WLS: variants seen among roughly 807,000 people sequenced by gnomAD.
WLS encodes protein wntless homolog.
In WLS, 23 loss-of-function variants were observed where a neutral mutation model predicts 62.8. The ratio of observed to expected loss-of-function variants is 0.37; its 90% CI spans 0.26 to 0.52. WLS has a LOEUF of 0.52. Ranked by LOEUF, WLS falls within the 20% of genes least tolerant of loss-of-function variation. The pLI, the probability that WLS is intolerant of heterozygous loss-of-function variation, is 0.92. For missense variants in WLS, 615 were observed against 697.3 expected (o/e 0.88, Z 1.33); for synonymous variants, 246 against 244.1 (o/e 1.01, Z -0.07).
intron 1 of WLS, among the ~76,000 whole-genome samples, chr1:68,216,543 T>C (rs967721437): frequency 6.6e-6 from 1 of 152,216 alleles, no homozygotes; most frequent in African/African-American, 2.4e-5. Context: ...CCTGCAGTCA[T>C]TTCAGAAAAC....
intron 2 of WLS, among the ~76,000 whole-genome samples, chr1:68,185,913 C>G (rs934245640): frequency 3.9e-5 from 6 of 152,270 alleles, no homozygotes; most frequent in African/African-American, 1.2e-4. Context: ...ATCTTTAGGC[C>G]TCTTCCCTCC....
At chr1:68,109,779 A>C (rs1430747) in intron 11 of WLS, among the ~76,000 whole-genome samples, 70,775 of 151,816 alleles carry the variant, frequency 0.47, 16,777 homozygotes, top group Middle Eastern at 0.53. Flanking sequence ...TCATTTTACT[A>C]CCTTCTCCAA....
intron 6 of WLS, among the ~76,000 whole-genome samples, chr1:68,149,828 C>A (rs538362420): frequency 1.3e-5 from 2 of 152,216 alleles, no homozygotes; most frequent in African/African-American, 4.8e-5. Flanking sequence ...ACAAGAAACT[C>A]AAGCTCAAGG....
chr1:68,150,064 C>G, intron 6 of WLS, 124 bp downstream of exon 6: 1 of 1,024,410 alleles, frequency 9.8e-7, no homozygotes, highest in Non-Finnish European at 1.4e-6. Context: ...AGAGTTCCCA[C>G]TTGTAACTAC....
chr1:68,111,470 A>T (rs754400445), intron 11 of WLS, among the ~76,000 whole-genome samples: 1 of 152,130 alleles, frequency 6.6e-6, no homozygotes, highest in African/African-American at 2.4e-5. Context: ...CTCGGTTCTC[A>T]TTTGGATTCA....
chr1:68,214,859 A>T (rs146536563), intron 1 of WLS, among the ~76,000 whole-genome samples: 22 of 152,326 alleles, frequency 1.4e-4, no homozygotes, highest in African/African-American at 5.3e-4. Context: ...CAGTCATTGA[A>T]TTCCACCCTG....
chr1:68,102,170 A>G (rs765641278), intron 11 of WLS, among the ~76,000 whole-genome samples: 54 of 152,074 alleles, frequency 3.6e-4, no homozygotes, highest in Non-Finnish European at 6.9e-4. Context: ...TAGAGGAAAC[A>G]TTTCTCCTCC....
downstream of WLS, among the ~76,000 whole-genome samples, chr1:68,121,874 G>C (rs1646367776): frequency 6.6e-6 from 1 of 152,216 alleles, no homozygotes; most frequent in Non-Finnish European, 1.5e-5. Flanking sequence ...TTAGGGAGCT[G>C]TGTATATTTT....
At chr1:68,126,523 T>C (rs1430920694) in intron 11 of WLS, among the ~76,000 whole-genome samples, 188 bp from the exon 12 acceptor site, 1 of 152,196 alleles carries the variant, frequency 6.6e-6, no homozygotes, top group Non-Finnish European at 1.5e-5. Flanking sequence ...TGCAGAACTT[T>C]TTAAAATACC....
rs926793724 is a variant in WLS at position 68,098,815 on chromosome 1, G to A, written c.1511-62C>T. Reference sequence around the variant, plus strand: ...ATCCTTTTAAAAAAATATGTAACATGGAGTTTAGGACCAAGGCTCAGGTAA... The same window carrying A: ...ATCCTTTTAAAAAAATATGTAACATAGAGTTTAGGACCAAGGCTCAGGTAA... On this transcript the variant is annotated intron_variant, in intron 11 of 11. Coordinates refer to the WLS transcript ENST00000354777. 8 of 1,566,408 alleles carry A rather than the reference G, an allele frequency of 5.1e-6. No homozygotes were observed. The African/African-American group carries it at 1.1e-4, about 21-fold the overall frequency.
At chr1:68,131,080 G>GTGTGTGTC (rs1304208890) in intron 11 of WLS, among the ~76,000 whole-genome samples, 4 of 116,920 alleles carry the variant, frequency 3.4e-5, no homozygotes, top group Non-Finnish European at 7.8e-5. Flanking sequence ...GTGTGTGTGT[G>GTGTGTGTC]TGTGTGTTTT....
chr1:68,193,096 C>T (rs188887616), intron 2 of WLS, among the ~76,000 whole-genome samples: 222 of 149,860 alleles, frequency 1.5e-3, no homozygotes, highest in African/African-American at 4.9e-3. Flanking sequence ...GCAACAAGAG[C>T]GAAACTCTGT....
chr1:68,203,886 A>G (rs968087484), intron 1 of WLS, among the ~76,000 whole-genome samples: 10 of 152,204 alleles, frequency 6.6e-5, no homozygotes, highest in African/African-American at 2.4e-4. Context: ...AAATGGATAG[A>G]TAAGAGCAAG....
chr1:68,219,801 T>C (rs779302899), intron 1 of WLS, among the ~76,000 whole-genome samples: 46 of 152,200 alleles, frequency 3.0e-4, no homozygotes, highest in Non-Finnish European at 4.9e-4. Context: ...TCAGAAGTAA[T>C]TAATATTTTA....
Position 68,223,888 on chromosome 1 carries a change from G to A in WLS, c.106+8306C>T, listed in dbSNP as rs149745413. Among the ~76,000 whole-genome samples, 173 of 152,340 alleles carry A rather than the reference G, an allele frequency of 1.1e-3. 1 individual carries two copies. The highest frequency in any genetic ancestry group is 2.0e-3 in the Non-Finnish European group (133 of 68,032). ...TTTGGAGGGGGTCAGCCAGGACCAA[G>A]GCAGCAGTTAACTGGCCTCCAACCA... On this transcript the variant is annotated intron_variant, in intron 1 of 11. Coordinates refer to ENST00000262348, the MANE Select transcript of WLS (RefSeq NM_024911.7).
Position 68,126,014 on chromosome 1 carries a change from T to C in WLS, c.*212A>G, listed in dbSNP as rs1646424737. 9.3e-6 allele frequency: 13 copies of C among 1,396,556 alleles called. No individual in the cohort carries two copies. Among genetic ancestry groups the C allele is most frequent in the Non-Finnish European group, 1.2e-5 (13 of 1,071,952 alleles). 86.5% of individuals were successfully genotyped at this position (1,396,556 alleles called of 1,614,324 possible). A position where few individuals can be genotyped will look rare whatever the true frequency, so the allele number is the denominator to read the frequency against. On this transcript the variant is annotated 3_prime_UTR_variant, in exon 12 of 12. Transcript: ENST00000262348. ...ATGTGTCATACCAGAGTTTTTGTTA[T>C]CATACACAATGCATTAGTGGCTGCA...
At chr1:68,202,409 C>T (rs989539763) in intron 1 of WLS, 7 of 152,122 alleles carry the variant, frequency 4.6e-5, no homozygotes, top group African/African-American at 1.4e-4. Context: ...CCCTTACCAC[C>T]CTTGGTGTCC....
chr1:68,164,681 C>G (rs1320796849), intron 2 of WLS, among the ~76,000 whole-genome samples: 1 of 152,172 alleles, frequency 6.6e-6, no homozygotes, highest in Non-Finnish European at 1.5e-5. Context: ...CCTGAAGCCA[C>G]TCAGAATTTG....
intron 11 of WLS, among the ~76,000 whole-genome samples, chr1:68,126,805 T>A (rs990974240): frequency 6.6e-6 from 1 of 152,120 alleles, no homozygotes; most frequent in African/African-American, 2.4e-5. Flanking sequence ...AAGGAACATC[T>A]GATGCCAAGA....
Sources: gnomAD v4.1 joint callset for allele counts (sites outside exome capture counted in the v4.1 genomes callset) on GRCh38, gnomAD v4.1.1 for gene constraint, MANE v1.5 for transcripts, NCBI Gene and HGNC (gene_info 2026-07-23, HGNC 2026-07-21) for gene names.